The following GSK3B variants were observed in gnomAD, a reference collection of about 807,000 sequenced individuals.
GSK3B encodes glycogen synthase kinase 3 beta, also known as glycogen synthase kinase-3 beta.
GSK3B carries 15 observed loss-of-function variants against 56.4 expected under a neutral mutation model. The observed-to-expected ratio is 0.27, with a 90% CI of 0.18 to 0.41. GSK3B has a LOEUF of 0.41. Among genes scored for constraint, GSK3B ranks in the 10% least tolerant of loss-of-function variants. The probability of loss-of-function intolerance (pLI) is 1.00; values close to 1 mark genes in which losing one functional copy is unlikely to be tolerated. For synonymous variants in GSK3B, 181 were observed against 188.9 expected (o/e 0.96, Z 0.34); for missense variants, 300 against 513.4 (o/e 0.58, Z 4.02).
rs533878456 is a variant in GSK3B at position 119,824,424 on chromosome 3, G to T, written c.*2364C>A. 3 of 216,482 alleles carry T rather than the reference G, an allele frequency of 1.4e-5. No individual in the cohort carries two copies. The highest frequency in any genetic ancestry group is 3.7e-4 in the South Asian group (2 of 5,384). 13.4% of individuals were successfully genotyped at this position (216,482 alleles called of 1,614,324 possible). A position where few individuals can be genotyped will look rare whatever the true frequency, so the allele number is the denominator to read the frequency against. On this transcript the variant is annotated 3_prime_UTR_variant, in exon 11 of 11. Coordinates refer to ENST00000264235, the MANE Select transcript of GSK3B (RefSeq NM_001146156.2). ...CTCTTCTTTTACCCCAGTTGTGGGG[G>T]GCAACCTGTTTCCTAAAATAAGCAC...
intron 3 of GSK3B, 24 bp from the exon 4 acceptor site, chr3:119,923,507 C>T: frequency 2.6e-6 from 3 of 1,168,974 alleles, no homozygotes; most frequent in Non-Finnish European, 3.7e-6. Flanking sequence ...TTTAAAAAAA[C>T]AAAAAACAAA....
chr3:119,963,021 A>G (rs2057286933), intron 2 of GSK3B, among the ~76,000 whole-genome samples: 2 of 152,174 alleles, frequency 1.3e-5, no homozygotes, highest in Non-Finnish European at 2.9e-5. Flanking sequence ...ACTGGTCCGC[A>G]GCCTGAGGGT....
chr3:119,970,006 T>C (rs1441835210), intron 2 of GSK3B, among the ~76,000 whole-genome samples: 1 of 152,194 alleles, frequency 6.6e-6, no homozygotes, highest in Non-Finnish European at 1.5e-5. Flanking sequence ...AGCAGCCCTC[T>C]CACAGTTAGC....
At chr3:119,905,461 G>C (rs530748455) in intron 7 of GSK3B, among the ~76,000 whole-genome samples, 1 of 152,154 alleles carries the variant, frequency 6.6e-6, no homozygotes, top group African/African-American at 2.4e-5. Flanking sequence ...ATACATTTTA[G>C]TGAGCTTATA....
intron 9 of GSK3B, among the ~76,000 whole-genome samples, chr3:119,852,226 C>CA (rs1026416841): frequency 2.0e-5 from 3 of 152,110 alleles, no homozygotes; most frequent in Non-Finnish European, 4.4e-5. Flanking sequence ...TACCACTCAC[C>CA]AAAAAATGTC....
At chr3:119,890,662 G>C (rs910480014) in intron 7 of GSK3B, among the ~76,000 whole-genome samples, 2 of 148,870 alleles carry the variant, frequency 1.3e-5, no homozygotes, top group African/African-American at 5.0e-5. Flanking sequence ...GGGCATGTTT[G>C]TTGGAATTTA....
Position 119,821,970 on chromosome 3 carries a change from G to A in GSK3B, c.*4818C>T. 1 of 186,764 alleles carries A rather than the reference G, an allele frequency of 5.4e-6. No homozygotes were observed. 11.6% of individuals were successfully genotyped at this position (186,764 alleles called of 1,614,324 possible). A position where few individuals can be genotyped will look rare whatever the true frequency, so the allele number is the denominator to read the frequency against. On this transcript the variant is annotated 3_prime_UTR_variant, in exon 11 of 11. Coordinates refer to ENST00000264235, the MANE Select transcript of GSK3B (RefSeq NM_001146156.2). ...CTTGTGAATTTTAATTTCATTTCCA[G>A]GCTAACCTACTTTTTATTTAATGCA...
intron 1 of GSK3B, among the ~76,000 whole-genome samples, chr3:120,075,373 T>C (rs1277559993): frequency 6.6e-6 from 1 of 151,926 alleles, no homozygotes; most frequent in Non-Finnish European, 1.5e-5. Flanking sequence ...CTAGAAGTGC[T>C]GGAAGAGCTT....
chr3:119,895,837 A>G (rs2056556965), intron 7 of GSK3B, among the ~76,000 whole-genome samples: 1 of 152,106 alleles, frequency 6.6e-6, no homozygotes, highest in Admixed American at 6.6e-5. Context: ...GAAAACAAGA[A>G]GTGTGGCTGG....
At chr3:120,065,693 A>G (rs1220985327) in intron 1 of GSK3B, among the ~76,000 whole-genome samples, 1 of 152,234 alleles carries the variant, frequency 6.6e-6, no homozygotes, top group African/African-American at 2.4e-5. Context: ...AATAGCCAAA[A>G]GCCATAAAAA....
chr3:119,970,440 A>C (rs1048597984), intron 2 of GSK3B, among the ~76,000 whole-genome samples: 2 of 152,022 alleles, frequency 1.3e-5, no homozygotes, highest in Non-Finnish European at 2.9e-5. Context: ...AGACTGACTA[A>C]ACCAAGCCTT....
At chr3:119,835,358 T>C (rs1270809255) in intron 10 of GSK3B, among the ~76,000 whole-genome samples, 1 of 152,198 alleles carries the variant, frequency 6.6e-6, no homozygotes, top group Non-Finnish European at 1.5e-5. Flanking sequence ...TACAGCTTTA[T>C]GCAAAGATAT....
intron 9 of GSK3B, 77 bp downstream of exon 9, chr3:119,863,338 ATTTT>A: frequency 8.7e-7 from 1 of 1,155,300 alleles, no homozygotes; most frequent in African/African-American, 1.5e-5. Flanking sequence ...TCCTCCACAG[ATTTT>A]AATTAATAGA....
At chr3:119,975,302 C>T (rs765436371) in intron 2 of GSK3B, among the ~76,000 whole-genome samples, 9 of 152,072 alleles carry the variant, frequency 5.9e-5, no homozygotes, top group Non-Finnish European at 1.0e-4. Flanking sequence ...CAAAAATTAG[C>T]TGGGTGTGGT....
Position 119,936,332 on chromosome 3 carries a change from T to TAA in GSK3B, c.366+10934_366+10935dup, listed in dbSNP as rs1052636709. On this transcript the variant is annotated intron_variant, in intron 3 of 10. Transcript: ENST00000264235. ...ATATATATAAAAATATAAATATATA[T>TAA]AAAAAATATATATATATATATATTT... is the stretch of plus-strand genomic sequence containing the variant. Among the ~76,000 whole-genome samples the TAA allele has an allele frequency of 6.6e-3, 913 of 138,404 alleles. 20 individuals are homozygous for TAA. The highest frequency in any genetic ancestry group is 0.022 in the African/African-American group (777 of 34,760). 90.8% of individuals were successfully genotyped at this position (138,404 alleles called of 152,430 possible).
intron 1 of GSK3B, among the ~76,000 whole-genome samples, chr3:120,080,786 C>A (rs532275655): frequency 6.6e-6 from 1 of 151,468 alleles, no homozygotes; most frequent in African/African-American, 2.4e-5. Context: ...AGCCAAATCA[C>A]GCCACTGCAC....
At chr3:119,910,690 A>G (rs368595146) in intron 6 of GSK3B, among the ~76,000 whole-genome samples, 3 of 152,284 alleles carry the variant, frequency 2.0e-5, no homozygotes, top group South Asian at 2.1e-4. Context: ...CTAGTAGGAG[A>G]TGCTCTTTGA....
At chr3:119,942,761 C>T (rs936158754) in intron 3 of GSK3B, among the ~76,000 whole-genome samples, 3 of 152,112 alleles carry the variant, frequency 2.0e-5, no homozygotes, top group African/African-American at 7.2e-5. Context: ...AAAGTTTCTA[C>T]TGCCAAATAT....
At chr3:119,883,787 G>A (rs72967158) in intron 7 of GSK3B, among the ~76,000 whole-genome samples, 4,698 of 152,142 alleles carry the variant, frequency 0.031, 202 homozygotes, top group African/African-American at 0.1. Context: ...AATTTTAGGA[G>A]GTGGCATCAA....
Sources: gnomAD v4.1 joint callset for allele counts (sites outside exome capture counted in the v4.1 genomes callset) on GRCh38, gnomAD v4.1.1 for gene constraint, MANE v1.5 for transcripts, NCBI Gene and HGNC (gene_info 2026-07-23, HGNC 2026-07-21) for gene names.